The following CSMD3 variants were observed in gnomAD, a reference collection of about 807,000 sequenced individuals.
The protein encoded by CSMD3 is CUB and Sushi multiple domains 3, also known as CUB and sushi domain-containing protein 3.
Under a neutral mutation model 435.2 loss-of-function variants are expected in CSMD3, and 177 were observed. That is an observed-to-expected ratio of 0.41 (90% CI 0.36 to 0.46). The LOEUF (loss-of-function observed/expected upper bound fraction) is 0.46, where lower values mean the gene tolerates loss of function less well. Among genes scored for constraint, CSMD3 ranks in the 20% least tolerant of loss-of-function variants. The probability of loss-of-function intolerance (pLI) is 0.34; values close to 1 mark genes in which losing one functional copy is unlikely to be tolerated. For synonymous variants in CSMD3, 1,656 were observed against 1,520.5 expected (o/e 1.09, Z -2.07); for missense variants, 4,265 against 4,504.6 (o/e 0.95, Z 1.52).
intron 3 of CSMD3, among the ~76,000 whole-genome samples, chr8:113,264,409 T>C (rs1173074636): frequency 6.6e-6 from 1 of 151,044 alleles, no homozygotes; most frequent in Non-Finnish European, 1.5e-5. Context: ...TTTATATATA[T>C]ATATATATGA....
In CSMD3 at chr8:112,295,904, C is replaced by A. The variant is rs201914089; in HGVS notation, c.8543G>T (p.Arg2848Leu). 2.7e-5 allele frequency: 43 copies of A among 1,613,842 alleles called. No homozygotes were observed. Among genetic ancestry groups the A allele is most frequent in the Non-Finnish European group, 3.6e-5 (42 of 1,179,890 alleles). ...TATCCTCACTGAAGAACCAATCAAT[C>A]GAAAACCAGGATTACATTGATATAC... is the stretch of plus-strand genomic sequence containing the variant. ...TVVYQCNPGFRLIGSSVRICQ... is the reference protein window; with the variant it reads ...TVVYQCNPGFLLIGSSVRICQ... Residue 2848 changes from arginine to leucine, a missense_variant, in exon 54 of 71, where the codon CGA becomes CTA. By Grantham distance (102) the Arg-to-Leu change is moderately radical. This residue lies in a region of CSMD3 where 3,255 missense variants were observed against 3,380.2 expected (regional missense o/e 0.96). Transcript: ENST00000297405.
At chr8:113,007,810 T>C (rs983661459) in intron 6 of CSMD3, among the ~76,000 whole-genome samples, 17 of 151,974 alleles carry the variant, frequency 1.1e-4, no homozygotes, top group Non-Finnish European at 1.8e-4. Flanking sequence ...GCATTTGTGA[T>C]ATTTTTCTTT....
At chr8:112,320,339 C>T (rs995930870) in intron 45 of CSMD3, among the ~76,000 whole-genome samples, 2 of 152,092 alleles carry the variant, frequency 1.3e-5, no homozygotes, top group Non-Finnish European at 2.9e-5. Flanking sequence ...TCACTGAATG[C>T]CCTGCACTTA....
At chr8:113,408,366 A>C (rs545856735) in intron 1 of CSMD3, among the ~76,000 whole-genome samples, 1 of 152,218 alleles carries the variant, frequency 6.6e-6, no homozygotes, top group Non-Finnish European at 1.5e-5. Flanking sequence ...TTTTTTCATG[A>C]ATTTGAAAAT....
intron 4 of CSMD3, among the ~76,000 whole-genome samples, chr8:113,100,049 G>A (rs1330776953): frequency 6.6e-6 from 1 of 151,904 alleles, no homozygotes; most frequent in East Asian, 1.9e-4. Flanking sequence ...ATTCCATGAT[G>A]GGTAGAACAT....
intron 3 of CSMD3, among the ~76,000 whole-genome samples, chr8:113,277,374 G>T (rs915816112): frequency 6.6e-6 from 1 of 151,868 alleles, no homozygotes. Flanking sequence ...GTATTAGGTA[G>T]AAAATAATGT....
chr8:113,146,539 A>G (rs1306782885), intron 4 of CSMD3, among the ~76,000 whole-genome samples: 4 of 151,772 alleles, frequency 2.6e-5, no homozygotes, highest in Middle Eastern at 6.8e-3. Flanking sequence ...AATTTGAATA[A>G]TTCCTAAAAT....
intron 1 of CSMD3, among the ~76,000 whole-genome samples, chr8:113,342,463 T>G (rs1306788277): frequency 6.6e-6 from 1 of 152,126 alleles, no homozygotes; most frequent in Non-Finnish European, 1.5e-5. Flanking sequence ...AAAACTGCAA[T>G]AAAATTGTAT....
intron 56 of CSMD3, 138 bp from the exon 57 acceptor site, chr8:112,289,676 TG>T: frequency 1.7e-6 from 1 of 599,428 alleles, no homozygotes; most frequent in Non-Finnish European, 2.8e-6. Flanking sequence ...ACATCTATGT[TG>T]AAGGTGTCTT....
chr8:112,827,164 A>ATATATATTATATT (rs1564000272), intron 12 of CSMD3, among the ~76,000 whole-genome samples: 2 of 82,834 alleles, frequency 2.4e-5, no homozygotes, highest in East Asian at 6.0e-4. Context: ...GGTTACCATA[A>ATATATATTATATT]ATATATATAT....
chr8:112,424,525 C>T (rs1384150005), intron 32 of CSMD3, among the ~76,000 whole-genome samples: 1 of 152,132 alleles, frequency 6.6e-6, no homozygotes, highest in Non-Finnish European at 1.5e-5. Flanking sequence ...AAACCTTATT[C>T]TCAAGGTTTG....
At chr8:113,401,368 G>C (rs1466639142) in intron 1 of CSMD3, among the ~76,000 whole-genome samples, 1 of 151,588 alleles carries the variant, frequency 6.6e-6, no homozygotes, top group Non-Finnish European at 1.5e-5. Context: ...ATTTATTTTT[G>C]ATTAAACTTT....
intron 16 of CSMD3, among the ~76,000 whole-genome samples, chr8:112,668,589 G>A (rs534351668): frequency 4.7e-4 from 72 of 152,258 alleles, no homozygotes; most frequent in African/African-American, 1.7e-3. Context: ...GCCTAAAGAT[G>A]TGATTGATTG....
At chr8:112,844,938 A>G (rs2080276422) in intron 11 of CSMD3, among the ~76,000 whole-genome samples, 1 of 151,974 alleles carries the variant, frequency 6.6e-6, no homozygotes, top group African/African-American at 2.4e-5. Context: ...TTATTATTCA[A>G]CACAGCTCTG....
intron 38 of CSMD3, 43 bp downstream of exon 38, chr8:112,380,309 C>A (rs182031576): frequency 3.8e-4 from 399 of 1,050,292 alleles, no homozygotes; most frequent in Admixed American, 1.5e-3. Context: ...TTAATATAAA[C>A]TTGTTCTTAA....
At chr8:112,408,570 G>T in intron 33 of CSMD3, among the ~76,000 whole-genome samples, 157 bp from the exon 34 acceptor site, 1 of 151,496 alleles carries the variant, frequency 6.6e-6, no homozygotes, top group African/African-American at 2.4e-5. Context: ...ATTTCCTTTG[G>T]GTTCAACTTG....
intron 10 of CSMD3, among the ~76,000 whole-genome samples, chr8:112,902,320 A>T (rs2082127084): frequency 6.6e-6 from 1 of 151,186 alleles, no homozygotes; most frequent in African/African-American, 2.4e-5. Flanking sequence ...AGGGTAGGTC[A>T]ACTTGGATTT....
At chr8:113,084,980 G>A (rs1476186369) in intron 5 of CSMD3, among the ~76,000 whole-genome samples, 1 of 151,932 alleles carries the variant, frequency 6.6e-6, no homozygotes, top group Non-Finnish European at 1.5e-5. Flanking sequence ...ATGGATTAAA[G>A]ACTTAAATGT....
At chr8:112,924,805 G>A (rs568748591) in intron 9 of CSMD3, among the ~76,000 whole-genome samples, 61 of 152,058 alleles carry the variant, frequency 4.0e-4, no homozygotes, top group African/African-American at 1.4e-3. Flanking sequence ...CAGAATCACA[G>A]GTATCTCCTT....
Sources: allele counts gnomAD v4.1 joint callset (sites outside exome capture counted in the v4.1 genomes callset), GRCh38; gene constraint gnomAD v4.1.1; regional missense constraint gnomAD v4.1.1; transcripts MANE v1.5; gene names NCBI Gene and HGNC (gene_info 2026-07-23, HGNC 2026-07-21).